The following ATP5F1A variants were observed in gnomAD, a reference collection of about 807,000 sequenced individuals.
ATP5F1A encodes the protein ATP synthase F(1) complex subunit alpha, mitochondrial.
Under a neutral mutation model 57.4 loss-of-function variants are expected in ATP5F1A, and 24 were observed. The ratio of observed to expected loss-of-function variants is 0.42; its 90% CI spans 0.30 to 0.59. The LOEUF is 0.59. Ranked by LOEUF, ATP5F1A falls within the 20% of genes least tolerant of loss-of-function variation. ATP5F1A has a pLI of 0.19. For missense variants in ATP5F1A, 494 were observed against 707.9 expected (o/e 0.70, Z 3.43); for synonymous variants, 251 against 255.5 (o/e 0.98, Z 0.17).
In ATP5F1A at chr18:46,095,255, ATT is replaced by A. The variant is rs1012605538; in HGVS notation, c.61-126_61-125del. ...TGAAAATGCTAATTACATATAAAGC[ATT>A]TTGTTTAAAATGTCAAATGGGAAAG... On this transcript the variant is annotated intron_variant, in intron 1 of 11. Transcript: ENST00000398752. The A allele has an allele frequency of 1.7e-5, 15 of 869,008 alleles. No homozygotes were observed. In the African/African-American group the frequency reaches 2.2e-4, roughly 13 times the overall value. 53.8% of individuals were successfully genotyped at this position (869,008 alleles called of 1,614,324 possible). A position where few individuals can be genotyped will look rare whatever the true frequency, so the allele number is the denominator to read the frequency against.
At chr18:46,090,092 G>GGGGGGGGGGGT in intron 3 of ATP5F1A, 96 bp from the exon 4 acceptor site, 1 of 512,010 alleles carries the variant, frequency 2.0e-6, no homozygotes. Context: ...GGGTGGGGGG[G>GGGGGGGGGGGT]GAAGCAGTAT....
rs1226679384 is a variant in ATP5F1A at position 46,086,129 on chromosome 18, C to T, written c.1413G>A (p.Leu471=). Reference sequence around the variant, plus strand: ...ACAACTTACAATACTGTCCTTGCTTCAGCAACTCAGTTAGACGCACGCCAC... The same window carrying T: ...ACAACTTACAATACTGTCCTTGCTTTAGCAACTCAGTTAGACGCACGCCAC... ...LSRGVRLTEL[L]KQGQYSPMAI... Residue 471 remains leucine, a synonymous_variant, in exon 10 of 12, where the codon CTG becomes CTA. Transcript: ENST00000398752. 5.0e-6 allele frequency: 8 copies of T among 1,612,162 alleles called. No individual in the cohort carries two copies. The highest frequency in any genetic ancestry group is 6.8e-6 in the Non-Finnish European group (8 of 1,180,012).
intron 2 of ATP5F1A, among the ~76,000 whole-genome samples, chr18:46,092,917 G>T (rs1910670288): frequency 6.6e-6 from 1 of 152,028 alleles, no homozygotes; most frequent in Non-Finnish European, 1.5e-5. Flanking sequence ...GGATGCCAAA[G>T]GGGGTGGATC....
At chr18:46,097,725 C>A in intron 1 of ATP5F1A, 1 of 742,534 alleles carries the variant, frequency 1.3e-6, no homozygotes, top group Non-Finnish European at 1.7e-6. Flanking sequence ...GCTGGGCCTG[C>A]TGACCTTCAC....
In ATP5F1A at chr18:46,082,099, A is replaced by T. The variant is rs9949787; in HGVS notation, c.*2183T>A. The T allele has an allele frequency of 0.39, 55,870 of 144,982 alleles. 11,207 individuals carry two copies. Among genetic ancestry groups the T allele is most frequent in the Middle Eastern group, 0.53 (152 of 286 alleles). The allele number at this position is 144,982 out of a possible 1,614,324, so 9.0% of individuals were successfully genotyped here. A position where few individuals can be genotyped will look rare whatever the true frequency, so the allele number is the denominator to read the frequency against. On this transcript the variant is annotated 3_prime_UTR_variant, in exon 12 of 12. Transcript: ENST00000398752. ...ATCAGTAAAAAAAAAAAAAAAAAAAAGAGGCCGGGCGCGGTGGCTCAAGCC... is the reference window on the plus strand; with the variant it reads ...ATCAGTAAAAAAAAAAAAAAAAAAATGAGGCCGGGCGCGGTGGCTCAAGCC...
At chr18:46,088,595 A>G (rs910762053) in intron 5 of ATP5F1A, 1 of 172,070 alleles carries the variant, frequency 5.8e-6, no homozygotes, top group African/African-American at 2.4e-5. Flanking sequence ...CCAGGGACAC[A>G]ATGCACTGTG....
intron 1 of ATP5F1A, among the ~76,000 whole-genome samples, chr18:46,103,538 T>TG (rs1318046340): frequency 7.8e-6 from 1 of 128,008 alleles, no homozygotes; most frequent in East Asian, 2.3e-4. Flanking sequence ...GAAGCAGAGG[T>TG]GGCAGTGAGC....
chr18:46,088,675 TGA>T (rs1271864043), intron 5 of ATP5F1A: 5 of 155,504 alleles, frequency 3.2e-5, no homozygotes, highest in African/African-American at 1.2e-4. Flanking sequence ...TGAGACAGCC[TGA>T]GATATGGCCT....
intron 1 of ATP5F1A, among the ~76,000 whole-genome samples, chr18:46,096,006 G>A (rs1568254055): frequency 1.3e-5 from 2 of 151,282 alleles, no homozygotes; most frequent in East Asian, 2.0e-4. Context: ...CTCATGCCTC[G>A]GCCTCCTGAG....
At chr18:46,095,281 A>G in intron 1 of ATP5F1A, 150 bp from the exon 2 acceptor site, 1 of 690,760 alleles carries the variant, frequency 1.4e-6, no homozygotes, top group South Asian at 2.1e-5. Flanking sequence ...CAAATGGGAA[A>G]GTAGCTTTTG....
At chr18:46,084,451 C>T (rs948393890) in intron 11 of ATP5F1A, 53 bp downstream of exon 11, 1 of 1,574,670 alleles carries the variant, frequency 6.4e-7, no homozygotes, top group Non-Finnish European at 8.6e-7. Flanking sequence ...ATAATTTTAA[C>T]TTCATATCTT....
In ATP5F1A at chr18:46,091,854, A is replaced by G. The variant is rs1447338135; in HGVS notation, c.140-3T>C. On this transcript the variant is annotated splice_region_variant and splice_polypyrimidine_tract_variant and intron_variant, in intron 2 of 11. Transcript: ENST00000398752. The stretch of plus-strand genomic sequence containing the variant: ...AATAGAGGACATCTCAGCAGTCCCT[A>G]TGGAAGACAATTCAATTCAATTAAA... 6 of 1,607,140 alleles carry G rather than the reference A, an allele frequency of 3.7e-6. No homozygotes were observed. Among genetic ancestry groups the G allele is most frequent in the South Asian group, 1.1e-5 (1 of 89,912 alleles).
At position 46,086,149 on chromosome 18, in the gene ATP5F1A, C is replaced by A. The variant is rs771547673; in HGVS notation, c.1393G>T (p.Val465Leu). The part of the protein sequence containing the change: ...AATQQLLSRG[V>L]RLTELLKQGQ... ...TGCTTCAGCAACTCAGTTAGACGCA[C>A]GCCACGACTCAAAAGTTGTTGAGTG... Residue 465 changes from valine (V) to leucine (L), a missense_variant, in exon 10 of 12, where the codon GTG becomes TTG. Val to Leu is a conservative substitution (Grantham distance 32). Around this residue, in one of 6 missense-constraint regions of ATP5F1A, gnomAD observed 127 missense variants for 195.2 expected, o/e 0.65. Transcript: ENST00000398752. The A allele has an allele frequency of 2.5e-6, 4 of 1,612,174 alleles. No homozygotes were observed. In the South Asian group the frequency reaches 3.3e-5, roughly 13 times the overall value.
chr18:46,100,285 GAAAAGA>G (rs1911238248), upstream of ATP5F1A, among the ~76,000 whole-genome samples: 9 of 133,550 alleles, frequency 6.7e-5, no homozygotes, highest in Non-Finnish European at 1.3e-4. Flanking sequence ...AAGAAAAAAA[GAAAAGA>G]AAAAGAAAAA....
chr18:46,085,841 G>A (rs1178270001), intron 10 of ATP5F1A: 3 of 384,206 alleles, frequency 7.8e-6, no homozygotes, highest in Non-Finnish European at 1.4e-5. Flanking sequence ...GCTGAGGCAG[G>A]AGAATCGCGT....
At chr18:46,086,813 C>T in intron 8 of ATP5F1A, 195 bp downstream of exon 8, 1 of 648,498 alleles carries the variant, frequency 1.5e-6, no homozygotes, top group Non-Finnish European at 2.6e-6. Flanking sequence ...AAACATGCTA[C>T]TCTATGCAAT....
chr18:46,086,760 T>C, intron 8 of ATP5F1A: 1 of 601,316 alleles, frequency 1.7e-6, no homozygotes, highest in South Asian at 2.1e-5. Flanking sequence ...TTCAAAATTA[T>C]CTAGAAGGGA....
At chr18:46,092,540 G>A (rs1305755056) in intron 2 of ATP5F1A, among the ~76,000 whole-genome samples, 1 of 151,400 alleles carries the variant, frequency 6.6e-6, no homozygotes, top group Non-Finnish European at 1.5e-5. Flanking sequence ...CCTGGGAGGT[G>A]GAAGTCACAG....
In ATP5F1A at chr18:46,086,507, G is replaced by C. The variant is rs763320561; in HGVS notation, c.1177-13C>G. On this transcript the variant is annotated splice_polypyrimidine_tract_variant and intron_variant, in intron 8 of 11. Transcript: ENST00000398752. ...TTTCCAAGAAGATCTATAATGTAAG[G>C]AAATACGCACGCTAGCAAGCTTAAA... The C allele has an allele frequency of 1.1e-5, 18 of 1,607,282 alleles. No individual in the cohort carries two copies. The highest frequency in any genetic ancestry group is 1.5e-5 in the Non-Finnish European group (18 of 1,175,532).
Sources: gnomAD v4.1 joint callset for allele counts (sites outside exome capture counted in the v4.1 genomes callset) on GRCh38, gnomAD v4.1.1 for gene constraint, gnomAD v4.1.1 regional missense constraint, MANE v1.5 for transcripts, NCBI Gene and HGNC (gene_info 2026-07-23, HGNC 2026-07-21) for gene names.